CNKSR2: variants seen among roughly 807,000 people sequenced by gnomAD.
CNKSR2 encodes the protein connector enhancer of kinase suppressor of Ras 2.
In CNKSR2, 14 loss-of-function variants were observed where a neutral mutation model predicts 84.4. The ratio of observed to expected loss-of-function variants is 0.17; its 90% CI spans 0.11 to 0.26. CNKSR2 has a LOEUF of 0.26. CNKSR2 is among the 10% of genes least tolerant of loss of function. The pLI, the probability that CNKSR2 is intolerant of heterozygous loss-of-function variation, is 1.00. For missense variants in CNKSR2, 485 were observed against 771.2 expected (o/e 0.63, Z 4.40); for synonymous variants, 275 against 277.9 (o/e 0.99, Z 0.10).
chrX:21,653,094 T>C lies in CNKSR2; in HGVS notation c.*573T>C, dbSNP rs959196165. The C allele has an allele frequency of 8.9e-6, 1 of 112,100 alleles. No homozygotes were observed. Among genetic ancestry groups the C allele is most frequent in the African/African-American group, 3.2e-5 (1 of 30,907 alleles). 9.2% of individuals were successfully genotyped at this position (112,100 alleles called of 1,213,427 possible). On this transcript the variant is annotated 3_prime_UTR_variant, in exon 22 of 22. Transcript: ENST00000379510. ...ATAAGAAAAGTTCAGGTATCTAATATTCGTCTTAATAGTCTATTAACTTGT... is the reference window on the plus strand; with the variant it reads ...ATAAGAAAAGTTCAGGTATCTAATACTCGTCTTAATAGTCTATTAACTTGT...
intron 5 of CNKSR2, among the ~76,000 whole-genome samples, chrX:21,474,293 A>G (rs1015563172): frequency 2.7e-5 from 3 of 111,446 alleles, no homozygotes; most frequent in Non-Finnish European, 5.6e-5. Flanking sequence ...AGAGCCTACA[A>G]CAAGGCTCGA....
chrX:21,406,742 AG>A (rs2090269334), intron 1 of CNKSR2, among the ~76,000 whole-genome samples: 1 of 111,407 alleles, frequency 9.0e-6, no homozygotes, highest in Non-Finnish European at 1.9e-5. Flanking sequence ...AGGTAGGAGT[AG>A]GGGAGTCAAT....
At chrX:21,418,455 T>A (rs2090451885) in intron 1 of CNKSR2, among the ~76,000 whole-genome samples, 1 of 112,078 alleles carries the variant, frequency 8.9e-6, no homozygotes, top group African/African-American at 3.2e-5. Context: ...AAGTACTTCC[T>A]TTAGCATTTC....
chrX:21,453,890 G>A (rs984263880), intron 4 of CNKSR2, among the ~76,000 whole-genome samples: 2 of 110,985 alleles, frequency 1.8e-5, no homozygotes, highest in African/African-American at 3.3e-5. Flanking sequence ...ACCAGATCTC[G>A]TGAGAACTCA....
At chrX:21,624,906 G>T (rs772673138) in intron 20 of CNKSR2, among the ~76,000 whole-genome samples, 1 of 112,076 alleles carries the variant, frequency 8.9e-6, no homozygotes, top group African/African-American at 3.2e-5. Flanking sequence ...TCCCCCAATA[G>T]CTCATAATTC....
intron 17 of CNKSR2, among the ~76,000 whole-genome samples, chrX:21,599,304 TGATAA>T (rs2092467279): frequency 9.1e-6 from 1 of 109,947 alleles, no homozygotes; most frequent in Non-Finnish European, 1.9e-5. Context: ...TTTACATTTC[TGATAA>T]GATGAAATTT....
At chrX:21,630,699 A>G (rs1424162254) in intron 20 of CNKSR2, among the ~76,000 whole-genome samples, 1 of 95,857 alleles carries the variant, frequency 1.0e-5, no homozygotes. Context: ...TGTATATAAT[A>G]CACACACACA....
chrX:21,481,048 A>G (rs959312488), intron 5 of CNKSR2, among the ~76,000 whole-genome samples: 1 of 112,075 alleles, frequency 8.9e-6, no homozygotes, highest in Non-Finnish European at 1.9e-5. Context: ...CTACATCTGT[A>G]CAATAGAGAT....
intron 10 of CNKSR2, among the ~76,000 whole-genome samples, chrX:21,528,036 T>C (rs1037866363): frequency 2.7e-5 from 3 of 110,817 alleles, no homozygotes; most frequent in African/African-American, 9.8e-5. Context: ...ATAACTATAG[T>C]TAGTTTTATA....
At chrX:21,432,838 A>G (rs916081950) in intron 3 of CNKSR2, 24 bp downstream of exon 3, 15 of 1,186,258 alleles carry the variant, frequency 1.3e-5, no homozygotes, top group Non-Finnish European at 1.7e-5. Flanking sequence ...CATGTTTCAT[A>G]AGTATCCTCT....
rs376979426 is a variant in CNKSR2 at position 21,506,041 on chromosome X, A to G, written c.810+4453A>G. ...CTTCTGTTCTGCTTTCTCAGAGGAG[A>G]AAGTATTTATCATATAATTCCATAT... On this transcript the variant is annotated intron_variant, in intron 8 of 21. Coordinates refer to ENST00000379510, the MANE Select transcript of CNKSR2 (RefSeq NM_014927.5). 6.3e-5 allele frequency: 7 copies of G among 110,739 alleles called. No individual in the cohort carries two copies. In the East Asian group the frequency reaches 1.1e-3, roughly 18 times the overall value. 9.1% of individuals were successfully genotyped at this position (110,739 alleles called of 1,213,427 possible). A position where few individuals can be genotyped will look rare whatever the true frequency, so the allele number is the denominator to read the frequency against.
intron 4 of CNKSR2, among the ~76,000 whole-genome samples, chrX:21,470,261 A>C (rs1601830209): frequency 8.9e-6 from 1 of 112,050 alleles, no homozygotes; most frequent in Admixed American, 9.5e-5. Flanking sequence ...TAGATGTATT[A>C]ATTTTAAGTG....
intron 8 of CNKSR2, chrX:21,503,996 A>C (rs947921243): frequency 9.0e-6 from 1 of 111,323 alleles, no homozygotes; most frequent in Non-Finnish European, 1.9e-5. Flanking sequence ...AATAGAGACA[A>C]GATAGTATGT....
chrX:21,459,045 G>A (rs1430018864), intron 4 of CNKSR2, among the ~76,000 whole-genome samples: 1 of 86,414 alleles, frequency 1.2e-5, no homozygotes, highest in African/African-American at 4.5e-5. Flanking sequence ...TTTTTGAGAC[G>A]GAATTTTGCT....
intron 1 of CNKSR2, among the ~76,000 whole-genome samples, chrX:21,415,728 A>G (rs1159678019): frequency 9.4e-6 from 1 of 106,365 alleles, no homozygotes; most frequent in African/African-American, 3.4e-5. Flanking sequence ...TGGCACATGT[A>G]TACATATGTA....
intron 1 of CNKSR2, among the ~76,000 whole-genome samples, chrX:21,402,444 A>AT (rs1411995552): frequency 1.4e-4 from 16 of 111,120 alleles, no homozygotes; most frequent in African/African-American, 5.2e-4. Context: ...TGTTTGTATG[A>AT]TTTTTTCATT....
Position 21,375,081 on chromosome X carries a change from T to C in CNKSR2, c.64+120T>C, listed in dbSNP as rs1004809317. On this transcript the variant is annotated intron_variant, in intron 1 of 21. Transcript: ENST00000379510. Reference sequence around the variant, plus strand: ...CGCGGCTTCCACTGGCGGATCGTCGTACGCGTCGGGGCGGGGGTCCTCCAG... The same window carrying C: ...CGCGGCTTCCACTGGCGGATCGTCGCACGCGTCGGGGCGGGGGTCCTCCAG... 20 of 611,705 alleles carry C rather than the reference T, an allele frequency of 3.3e-5. No individual in the cohort carries two copies. In the South Asian group the frequency reaches 4.8e-4, roughly 15 times the overall value. The allele number at this position is 611,705 out of a possible 1,213,427, so 50.4% of individuals were successfully genotyped here.
At chrX:21,508,255 A>G (rs2091634585) in intron 8 of CNKSR2, among the ~76,000 whole-genome samples, 1 of 112,419 alleles carries the variant, frequency 8.9e-6, no homozygotes, top group Non-Finnish European at 1.9e-5. Context: ...ACTTGAGCCT[A>G]GAAATTCAAG....
intron 8 of CNKSR2, among the ~76,000 whole-genome samples, chrX:21,515,567 T>G (rs956697020): frequency 1.7e-4 from 19 of 111,440 alleles, no homozygotes; most frequent in African/African-American, 5.9e-4. Context: ...TAAAAAAAAC[T>G]TGGAATAATA....
Sources: allele counts gnomAD v4.1 joint callset (sites outside exome capture counted in the v4.1 genomes callset), GRCh38; gene constraint gnomAD v4.1.1; transcripts MANE v1.5; gene names NCBI Gene and HGNC (gene_info 2026-07-23, HGNC 2026-07-21).